SPSB4: variants seen among roughly 807,000 people sequenced by gnomAD.
SPSB4 encodes the protein splA/ryanodine receptor domain and SOCS box containing 4.
In SPSB4, 21 loss-of-function variants were observed where a neutral mutation model predicts 20.9. The observed-to-expected ratio is 1.01, with a 90% CI of 0.71 to 1.45. SPSB4 has a LOEUF of 1.45. SPSB4 is among the 40% of genes most tolerant of loss of function. The pLI is 0.00. For missense variants in SPSB4, 399 were observed against 399.2 expected, an observed-to-expected ratio of 1.00 and a Z score of 0.00; for synonymous variants, 207 against 183.8, an observed-to-expected ratio of 1.13 and a Z score of -1.02.
chr3:141,140,857 T>C, intron 2 of SPSB4, among the ~76,000 whole-genome samples: 1 of 152,244 alleles, frequency 6.6e-6, no homozygotes, highest in South Asian at 2.1e-4. Flanking sequence ...TCTTCAAAGC[T>C]GTCAGACAGG....
chr3:141,118,381 T>C (rs949299402), intron 2 of SPSB4, among the ~76,000 whole-genome samples: 20 of 152,246 alleles, frequency 1.3e-4, no homozygotes, highest in Non-Finnish European at 2.6e-4. Flanking sequence ...TTGTAGATTC[T>C]GGATATTAGC....
intron 2 of SPSB4, among the ~76,000 whole-genome samples, chr3:141,068,918 T>C (rs1019800501): frequency 6.6e-6 from 1 of 152,156 alleles, no homozygotes; most frequent in African/African-American, 2.4e-5. Flanking sequence ...AAGGCAGTTA[T>C]GTTTGGGGTA....
intron 1 of SPSB4, among the ~76,000 whole-genome samples, chr3:141,059,465 G>C (rs528642055): frequency 2.7e-5 from 4 of 150,236 alleles, no homozygotes; most frequent in African/African-American, 9.8e-5. Flanking sequence ...GGAGGAGAAG[G>C]CATGTCACAT....
Position 141,122,250 on chromosome 3 carries a change from G to A in SPSB4, c.695-24892G>A, listed in dbSNP as rs915424417. ...TGCCTGGGTATCACCAGCAGAGGCT[G>A]CAGAACAGCAAATATTGCTGCCTGA... On this transcript the variant is annotated intron_variant, in intron 2 of 2. Coordinates refer to ENST00000310546, the MANE Select transcript of SPSB4 (RefSeq NM_080862.3). Among the ~76,000 whole-genome samples, 19 of 152,188 alleles carry A rather than the reference G, an allele frequency of 1.2e-4. 1 individual carries two copies. Among genetic ancestry groups the A allele is most frequent in the African/African-American group, 4.1e-4 (17 of 41,446 alleles).
chr3:141,088,728 T>C (rs1938396162), intron 2 of SPSB4, among the ~76,000 whole-genome samples: 1 of 152,240 alleles, frequency 6.6e-6, no homozygotes, highest in South Asian at 2.1e-4. Context: ...TCCTAGTGAA[T>C]GAGCCCAGGA....
At chr3:141,056,201 AT>A (rs1396324100) in intron 1 of SPSB4, among the ~76,000 whole-genome samples, 13 of 152,194 alleles carry the variant, frequency 8.5e-5, no homozygotes, top group Non-Finnish European at 1.8e-4. Flanking sequence ...CTGACCTTTA[AT>A]GTTGTGAAAT....
chr3:141,142,618 G>C (rs1221704152), intron 2 of SPSB4, among the ~76,000 whole-genome samples: 1 of 152,032 alleles, frequency 6.6e-6, no homozygotes, highest in Non-Finnish European at 1.5e-5. Context: ...TTGGTGAACT[G>C]TCTAGTGCTG....
chr3:141,136,345 T>G (rs1481002796), intron 2 of SPSB4, among the ~76,000 whole-genome samples: 1 of 152,192 alleles, frequency 6.6e-6, no homozygotes, highest in African/African-American at 2.4e-5. Context: ...TTAGTTTAAT[T>G]AGATCCCATT....
chr3:141,147,053 C>A lies in SPSB4; in HGVS notation c.695-89C>A. Reference sequence around the variant, plus strand: ...GACCCTGAAGGCCAGCTCAGAGGAGCAGGCAGGAGGCGGTATGCAGTGGGG... The same window carrying A: ...GACCCTGAAGGCCAGCTCAGAGGAGAAGGCAGGAGGCGGTATGCAGTGGGG... On this transcript the variant is annotated intron_variant, in intron 2 of 2. Coordinates refer to ENST00000310546, the MANE Select transcript of SPSB4 (RefSeq NM_080862.3). 4 of 1,560,020 alleles carry A rather than the reference C, an allele frequency of 2.6e-6. No homozygotes were observed. The South Asian group carries it at 3.5e-5, about 14-fold the overall frequency.
intron 2 of SPSB4, among the ~76,000 whole-genome samples, chr3:141,142,794 C>A: frequency 7.0e-6 from 1 of 143,148 alleles, no homozygotes; most frequent in African/African-American, 2.6e-5. Context: ...ATATAATGTC[C>A]CTCTTTGTCT....
chr3:141,057,696 G>T (rs2107774876), intron 1 of SPSB4, among the ~76,000 whole-genome samples: 1 of 152,332 alleles, frequency 6.6e-6, no homozygotes, highest in South Asian at 2.1e-4. Flanking sequence ...AGCACAGGGG[G>T]CTGGGGAGCT....
At chr3:141,132,262 G>C (rs758234955) in intron 2 of SPSB4, 5 of 409,306 alleles carry the variant, frequency 1.2e-5, no homozygotes, top group African/African-American at 2.2e-5. Flanking sequence ...CCGCCTCCCG[G>C]GTTCAAGCTA....
chr3:141,090,493 T>C (rs4683551), intron 2 of SPSB4, among the ~76,000 whole-genome samples: 72,661 of 151,946 alleles, frequency 0.48, 18,534 homozygotes, highest in African/African-American at 0.67. Context: ...GAGAAAGTGA[T>C]ATTTAAGCAA....
intron 2 of SPSB4, among the ~76,000 whole-genome samples, chr3:141,123,816 C>T (rs905284962): frequency 8.5e-5 from 13 of 152,298 alleles, no homozygotes; most frequent in African/African-American, 3.1e-4. Flanking sequence ...CCAGAGGCAC[C>T]CCCACCTGAC....
intron 2 of SPSB4, among the ~76,000 whole-genome samples, chr3:141,121,525 T>A (rs1226063694): frequency 6.6e-6 from 1 of 152,312 alleles, no homozygotes; most frequent in Non-Finnish European, 1.5e-5. Context: ...TTGGATCCAT[T>A]CTCCCCATCA....
At chr3:141,109,420 CCTG>C (rs1938757578) in intron 2 of SPSB4, among the ~76,000 whole-genome samples, 1 of 152,072 alleles carries the variant, frequency 6.6e-6, no homozygotes, top group Non-Finnish European at 1.5e-5. Context: ...CTCCAGCTCA[CCTG>C]CTGTTCAGGG....
chr3:141,091,469 C>T (rs530111255), intron 2 of SPSB4, among the ~76,000 whole-genome samples: 21 of 152,308 alleles, frequency 1.4e-4, no homozygotes, highest in African/African-American at 4.8e-4. Context: ...AAGTGCTTTT[C>T]AACTTTTGAA....
chr3:141,116,198 G>C (rs1483906169), intron 2 of SPSB4, among the ~76,000 whole-genome samples: 1 of 152,214 alleles, frequency 6.6e-6, no homozygotes, highest in Non-Finnish European at 1.5e-5. Flanking sequence ...CTTCAGGAAG[G>C]GGGCTTGATG....
At chr3:141,072,329 T>C (rs1409017031) in intron 2 of SPSB4, among the ~76,000 whole-genome samples, 1 of 152,258 alleles carries the variant, frequency 6.6e-6, no homozygotes. Context: ...ATTTACTTGA[T>C]ATCGCTTGGA....
Sources: gnomAD v4.1 joint callset for allele counts (sites outside exome capture counted in the v4.1 genomes callset) on GRCh38, gnomAD v4.1.1 for gene constraint, MANE v1.5 for transcripts, NCBI Gene and HGNC (gene_info 2026-07-23, HGNC 2026-07-21) for gene names.